The following TAX1BP1 variants were observed in gnomAD, a reference collection of about 807,000 sequenced individuals.
TAX1BP1 encodes the protein Tax1 binding protein 1, also known as tax1-binding protein 1.
Under a neutral mutation model 97.7 loss-of-function variants are expected in TAX1BP1, and 62 were observed. The observed-to-expected ratio is 0.63, with a 90% CI of 0.52 to 0.78. The LOEUF is 0.78. TAX1BP1 is among the 30% of genes least tolerant of loss of function. The probability of loss-of-function intolerance (pLI) is 0.00; values close to 1 mark genes in which losing one functional copy is unlikely to be tolerated. For missense variants in TAX1BP1, 867 were observed against 916.1 expected, an observed-to-expected ratio of 0.95 and a Z score of 0.69; for synonymous variants, 340 against 304.2, an observed-to-expected ratio of 1.12 and a Z score of -1.23.
chr7:27,787,627 T>C (rs1789538278), intron 8 of TAX1BP1, 24 bp downstream of exon 8: 4 of 1,563,382 alleles, frequency 2.6e-6, no homozygotes, highest in Non-Finnish European at 3.5e-6. Flanking sequence ...CTATATATAT[T>C]TGAAGATTGT....
In TAX1BP1 at chr7:27,829,739, A is replaced by G. The variant is rs534812343; in HGVS notation, c.*910A>G. ...TATAGAACTGTCACTAACATTAAAG[A>G]AAGAGGACACATTTTTCAAGATCTG... On this transcript the variant is annotated 3_prime_UTR_variant, in exon 17 of 17. Coordinates refer to ENST00000396319, the MANE Select transcript of TAX1BP1 (RefSeq NM_006024.7). The G allele has an allele frequency of 1.3e-5, 2 of 152,322 alleles. No homozygotes were observed. The highest frequency in any genetic ancestry group is 4.8e-5 in the African/African-American group (2 of 41,580). 9.4% of individuals were successfully genotyped at this position (152,322 alleles called of 1,614,324 possible). A position where few individuals can be genotyped will look rare whatever the true frequency, so the allele number is the denominator to read the frequency against.
At chr7:27,785,009 C>A (rs781598385) in intron 5 of TAX1BP1, among the ~76,000 whole-genome samples, 154 bp from the exon 6 acceptor site, 10 of 152,082 alleles carry the variant, frequency 6.6e-5, no homozygotes, top group Non-Finnish European at 1.5e-4. Context: ...TATATGTTAT[C>A]ATTTCAAGTT....
intron 3 of TAX1BP1, among the ~76,000 whole-genome samples, chr7:27,759,362 G>A (rs1788341806): frequency 1.3e-5 from 2 of 152,134 alleles, no homozygotes; most frequent in African/African-American, 4.8e-5. Context: ...TGTAACAATT[G>A]TAATGTGGTA....
At chr7:27,741,665 G>A (rs1044106583) in intron 1 of TAX1BP1, among the ~76,000 whole-genome samples, 3 of 151,372 alleles carry the variant, frequency 2.0e-5, no homozygotes, top group African/African-American at 7.3e-5. Flanking sequence ...CACACTGAAG[G>A]GGTGGGTTGC....
At chr7:27,772,795 C>G (rs998877638) in intron 5 of TAX1BP1, among the ~76,000 whole-genome samples, 1 of 151,912 alleles carries the variant, frequency 6.6e-6, no homozygotes, top group Non-Finnish European at 1.5e-5. Context: ...AAGGAATAAA[C>G]TAGGATTACA....
In TAX1BP1 at chr7:27,765,879, A is replaced by T. The variant is rs770436363; in HGVS notation, c.311A>T (p.Tyr104Phe). The T allele has an allele frequency of 6.2e-7, 1 of 1,614,206 alleles. No homozygotes were observed. The highest frequency in any genetic ancestry group is 1.1e-5 in the South Asian group (1 of 91,088). ...GATGGAGAATTTTATCAGTTCTGTT[A>T]CGTTACCCATAAGGGTGAAATTCGT... ...NDDGEFYQFC[Y>F]VTHKGEIRGA... The change falls in exon 4 of 17, where the codon TAC (tyrosine) becomes TTC (phenylalanine). Residue 104 changes from tyrosine (Y) to phenylalanine (F), a missense_variant. Tyr to Phe is a conservative substitution (Grantham distance 22). Around this residue, in one of 3 missense-constraint regions of TAX1BP1, gnomAD observed 822 missense variants for 851.4 expected, o/e 0.97. Transcript: ENST00000396319.
At chr7:27,768,250 G>T (rs550427233) in intron 4 of TAX1BP1, among the ~76,000 whole-genome samples, 1 of 151,978 alleles carries the variant, frequency 6.6e-6, no homozygotes, top group South Asian at 2.1e-4. Context: ...ATAAACTTAG[G>T]TATATAAAGA....
intron 5 of TAX1BP1, among the ~76,000 whole-genome samples, chr7:27,781,967 C>A (rs532266150): frequency 8.6e-5 from 13 of 152,008 alleles, no homozygotes; most frequent in South Asian, 2.1e-4. Context: ...CTGCCCGCCT[C>A]GGCCTCCCAA....
At chr7:27,803,576 G>A (rs1790222931) in intron 13 of TAX1BP1, among the ~76,000 whole-genome samples, 1 of 152,176 alleles carries the variant, frequency 6.6e-6, no homozygotes, top group South Asian at 2.1e-4. Flanking sequence ...TTTGCACTGT[G>A]TGAAAGCAGT....
chr7:27,754,611 C>T (rs1311950158), intron 2 of TAX1BP1, among the ~76,000 whole-genome samples: 3 of 151,876 alleles, frequency 2.0e-5, no homozygotes, highest in African/African-American at 7.3e-5. Flanking sequence ...CTCGCTCTAT[C>T]GCCGAGGCTG....
At chr7:27,803,194 T>C in intron 13 of TAX1BP1, 2 of 1,518,126 alleles carry the variant, frequency 1.3e-6, no homozygotes, top group Admixed American at 2.0e-5. Flanking sequence ...TTGAGCAATG[T>C]AGTTAAACAA....
At chr7:27,742,631 C>G (rs1420060266) in intron 1 of TAX1BP1, among the ~76,000 whole-genome samples, 1 of 152,146 alleles carries the variant, frequency 6.6e-6, no homozygotes, top group Admixed American at 6.5e-5. Context: ...ACATACCCGG[C>G]AAATTTTTGT....
rs147868740 is a variant in TAX1BP1 at position 27,826,531 on chromosome 7, G to C, written c.2086-1207G>C. 6.6e-3 allele frequency among the ~76,000 whole-genome samples: 1,006 copies of C among 152,290 alleles called. 7 individuals carry two copies. The highest frequency in any genetic ancestry group is 0.014 in the Middle Eastern group (4 of 294). On this transcript the variant is annotated intron_variant, in intron 15 of 16. Transcript: ENST00000396319. ...ACCCAGTAACATAAAGGCTTCCTCA[G>C]TGCCGGCTGCGCTTGGGGATATGCT...
chr7:27,825,030 T>A (rs1160461040), intron 15 of TAX1BP1, among the ~76,000 whole-genome samples: 1 of 152,160 alleles, frequency 6.6e-6, no homozygotes, highest in Non-Finnish European at 1.5e-5. Flanking sequence ...GTAGAAATAT[T>A]TCTAAAACAG....
intron 13 of TAX1BP1, among the ~76,000 whole-genome samples, chr7:27,802,016 A>G (rs1336981673): frequency 6.6e-6 from 1 of 152,238 alleles, no homozygotes; most frequent in Non-Finnish European, 1.5e-5. Flanking sequence ...AAGCAGCAGC[A>G]TTCTAAGTAG....
At chr7:27,822,328 T>C (rs1791008990) in intron 15 of TAX1BP1, among the ~76,000 whole-genome samples, 1 of 152,174 alleles carries the variant, frequency 6.6e-6, no homozygotes, top group Non-Finnish European at 1.5e-5. Context: ...CCTTTTTACT[T>C]CTTTGGGGAA....
intron 12 of TAX1BP1, among the ~76,000 whole-genome samples, 156 bp downstream of exon 12, chr7:27,796,375 G>A (rs956828064): frequency 2.0e-5 from 3 of 152,230 alleles, no homozygotes; most frequent in South Asian, 2.1e-4. Flanking sequence ...TGAGGTGGGC[G>A]TTTTGTGTAC....
intron 15 of TAX1BP1, among the ~76,000 whole-genome samples, chr7:27,827,349 A>G (rs1277644091): frequency 3.3e-5 from 5 of 151,164 alleles, no homozygotes; most frequent in African/African-American, 1.2e-4. Context: ...TGATGACTCC[A>G]TCTCAAAAAA....
In TAX1BP1 at chr7:27,827,750, G is replaced by T. The variant is rs1394854537; in HGVS notation, c.2098G>T (p.Val700Leu). The T allele has an allele frequency of 1.2e-6, 2 of 1,613,322 alleles. No individual in the cohort carries two copies. The highest frequency in any genetic ancestry group is 1.7e-6 in the Non-Finnish European group (2 of 1,179,620). Residue 700 changes from valine to leucine, a missense_variant, in exon 16 of 17, where the codon GTG (valine) becomes TTG (leucine). Val to Leu is a conservative substitution (Grantham distance 32). Around this residue, in one of 3 missense-constraint regions of TAX1BP1, gnomAD observed 822 missense variants for 851.4 expected, o/e 0.97. Coordinates refer to ENST00000396319, the MANE Select transcript of TAX1BP1 (RefSeq NM_006024.7). ...DSEDSKEDEN[V>L]PTAPDPPSQH... ...ATTTTTCCCCTAGGAAGATGAGAAT[G>T]TGCCTACTGCTCCTGATCCTCCAAG...
Sources: allele counts gnomAD v4.1 joint callset (sites outside exome capture counted in the v4.1 genomes callset), GRCh38; gene constraint gnomAD v4.1.1; regional missense constraint gnomAD v4.1.1; transcripts MANE v1.5; gene names NCBI Gene and HGNC (gene_info 2026-07-23, HGNC 2026-07-21).